The following RDH10 variants were observed in gnomAD, a reference collection of about 807,000 sequenced individuals.
RDH10 encodes the protein retinol dehydrogenase 10, also known as retinol dehydrogenase 10 (all-trans).
In RDH10, 12 loss-of-function variants were observed where a neutral mutation model predicts 30.2. The ratio of observed to expected loss-of-function variants is 0.40; its 90% CI spans 0.25 to 0.64. RDH10 has a LOEUF of 0.64. RDH10 is among the 30% of genes least tolerant of loss of function. The probability of loss-of-function intolerance (pLI) is 0.43; values close to 1 mark genes in which losing one functional copy is unlikely to be tolerated. For synonymous variants in RDH10, 189 were observed against 172.2 expected, an observed-to-expected ratio of 1.10 and a Z score of -0.76; for missense variants, 268 against 445.2, an observed-to-expected ratio of 0.60 and a Z score of 3.58.
Position 73,295,564 on chromosome 8 carries a change from C to T in RDH10, c.275C>T (p.Ala92Val). The T allele has an allele frequency of 6.5e-7, 1 of 1,529,482 alleles. No homozygotes were observed. The highest frequency in any genetic ancestry group is 8.8e-7 in the Non-Finnish European group (1 of 1,139,452). 94.7% of individuals were successfully genotyped at this position (1,529,482 alleles called of 1,614,324 possible). A position where few individuals can be genotyped will look rare whatever the true frequency, so the allele number is the denominator to read the frequency against. ...HIYRDLEAAD[A>V]AALQAGNGEE... ...TACCGCGACCTGGAGGCGGCCGACG[C>T]CGCTGCGCTGCAAGGTAACCTGGAC... Residue 92 changes from alanine (A) to valine (V), a missense_variant, in exon 1 of 6, where the codon GCC becomes GTC. Transcript: ENST00000240285.
rs576144440 is a variant in RDH10 at position 73,301,802 on chromosome 8, C to T, written c.525+4373C>T. ...TATGTTGGACTAAAGCTGTGTAAGA[C>T]CATTATTGCAAACCAGGGCTGTCTC... On this transcript the variant is annotated intron_variant, in intron 2 of 5. Transcript: ENST00000240285. 1.4e-4 allele frequency among the ~76,000 whole-genome samples: 22 copies of T among 152,314 alleles called. No homozygotes were observed. In the East Asian group the frequency reaches 3.9e-3, roughly 27 times the overall value.
chr8:73,322,964 C>T lies in RDH10; in HGVS notation c.954C>T (p.Asp318=). The T allele has an allele frequency of 6.2e-7, 1 of 1,613,874 alleles. No individual in the cohort carries two copies. The highest frequency in any genetic ancestry group is 8.5e-7 in the Non-Finnish European group (1 of 1,179,780). The change falls in exon 6 of 6, where the codon GAC becomes GAT. Residue 318 remains aspartate (D), a synonymous_variant. Transcript: ENST00000240285. ...VVCMYRFLGA[D]KCMYPFIAQR... The stretch of plus-strand genomic sequence containing the variant: ...GCATGTATCGGTTCCTAGGAGCGGA[C>T]AAGTGTATGTACCCCTTTATTGCTC...
Position 73,324,216 on chromosome 8 carries a change from T to G in RDH10, c.*1180T>G, listed in dbSNP as rs1175043313. 1 of 152,662 alleles carries G rather than the reference T, an allele frequency of 6.6e-6. No individual in the cohort carries two copies. Among genetic ancestry groups the G allele is most frequent in the Non-Finnish European group, 1.5e-5 (1 of 68,042 alleles). The allele number at this position is 152,662 out of a possible 1,614,324, so 9.5% of individuals were successfully genotyped here. ...CTATGATTAGTGAGAGGAAGAAATC[T>G]TATTCTATGGCATATGTATGGAAGG... On this transcript the variant is annotated 3_prime_UTR_variant, in exon 6 of 6. Coordinates refer to ENST00000240285, the MANE Select transcript of RDH10 (RefSeq NM_172037.5).
At chr8:73,302,001 A>G (rs1814387840) in intron 2 of RDH10, among the ~76,000 whole-genome samples, 2 of 152,192 alleles carry the variant, frequency 1.3e-5, no homozygotes, top group Admixed American at 1.3e-4. Flanking sequence ...CTCACAATGA[A>G]TGTGTAACAG....
rs769909971 is a variant in RDH10 at position 73,295,586 on chromosome 8, G to A, written c.289+8G>A. The A allele has an allele frequency of 1.4e-4, 208 of 1,488,992 alleles. 2 individuals carry two copies. The highest frequency in any genetic ancestry group is 1.3e-3 in the South Asian group (100 of 76,014). The allele number at this position is 1,488,992 out of a possible 1,614,324, so 92.2% of individuals were successfully genotyped here. Reference sequence around the variant, plus strand: ...ACGCCGCTGCGCTGCAAGGTAACCTGGACCCGCGCGGGAGCATTGTTGGGT... The same window carrying A: ...ACGCCGCTGCGCTGCAAGGTAACCTAGACCCGCGCGGGAGCATTGTTGGGT... On this transcript the variant is annotated splice_region_variant and intron_variant, in intron 1 of 5. Coordinates refer to ENST00000240285, the MANE Select transcript of RDH10 (RefSeq NM_172037.5).
intron 1 of RDH10, among the ~76,000 whole-genome samples, chr8:73,296,663 G>A (rs761304354): frequency 1.3e-5 from 2 of 152,232 alleles, no homozygotes; most frequent in Non-Finnish European, 2.9e-5. Flanking sequence ...GAACAAGCCA[G>A]TGATCCCTAT....
chr8:73,298,332 A>G (rs948842018), intron 2 of RDH10, among the ~76,000 whole-genome samples: 2 of 152,184 alleles, frequency 1.3e-5, no homozygotes, highest in African/African-American at 4.8e-5. Context: ...TAGCCTTCTA[A>G]TAGAACACAA....
Position 73,322,924 on chromosome 8 carries a change from T to G in RDH10, c.914T>G (p.Phe305Cys). The change falls in exon 6 of 6, where the codon TTT (phenylalanine) becomes TGT (cysteine). Residue 305 changes from phenylalanine to cysteine, a missense_variant. Physicochemically the swap from Phe to Cys is radical, Grantham distance 205. This residue lies in a region of RDH10 where 136 missense variants were observed against 288.8 expected (regional missense o/e 0.47). Coordinates refer to ENST00000240285, the MANE Select transcript of RDH10 (RefSeq NM_172037.5). ...IVTFMKSILP[F>C]EAVVCMYRFL... Reference sequence around the variant, plus strand: ...CTTCCCTTTTTCAGCATCCTACCATTTGAAGCAGTTGTGTGCATGTATCGG... The same window carrying G: ...CTTCCCTTTTTCAGCATCCTACCATGTGAAGCAGTTGTGTGCATGTATCGG... The G allele has an allele frequency of 6.2e-7, 1 of 1,614,168 alleles. No homozygotes were observed. The highest frequency in any genetic ancestry group is 8.5e-7 in the Non-Finnish European group (1 of 1,180,006).
chr8:73,306,612 C>A (rs933444590), intron 2 of RDH10, among the ~76,000 whole-genome samples: 2 of 152,200 alleles, frequency 1.3e-5, no homozygotes, highest in Non-Finnish European at 2.9e-5. Context: ...TAGCCCCTTA[C>A]AATGACAAGC....
rs1461129487 is a variant in RDH10 at position 73,324,533 on chromosome 8, ATGAC to A, written c.*1501_*1504del. ...TTTTACTAATTGGGGAGTTTTATAA[ATGAC>A]TGATTAAATTTAAAGAATTAACTTA... On this transcript the variant is annotated 3_prime_UTR_variant, in exon 6 of 6. Transcript: ENST00000240285. The A allele has an allele frequency of 6.6e-6, 1 of 152,602 alleles. No individual in the cohort carries two copies. Among genetic ancestry groups the A allele is most frequent in the African/African-American group, 2.4e-5 (1 of 41,462 alleles). 9.5% of individuals were successfully genotyped at this position (152,602 alleles called of 1,614,324 possible).
intron 2 of RDH10, chr8:73,315,504 G>A (rs763993174): frequency 2.3e-6 from 1 of 436,030 alleles, no homozygotes; most frequent in African/African-American, 2.0e-5. Flanking sequence ...ATCAGTTTCA[G>A]AACGTTGCAA....
At chr8:73,303,216 A>C (rs1231784239) in intron 2 of RDH10, among the ~76,000 whole-genome samples, 2 of 152,240 alleles carry the variant, frequency 1.3e-5, no homozygotes, top group Non-Finnish European at 2.9e-5. Flanking sequence ...GTAATGTAGC[A>C]CTTAAAGACA....
chr8:73,322,556 G>A (rs1814789590), intron 4 of RDH10, 123 bp from the exon 5 acceptor site: 1 of 830,006 alleles, frequency 1.2e-6, no homozygotes, highest in African/African-American at 1.7e-5. Flanking sequence ...GCACTATGAA[G>A]AAAACAAAAT....
At chr8:73,298,602 A>G (rs1195943790) in intron 2 of RDH10, among the ~76,000 whole-genome samples, 1 of 152,146 alleles carries the variant, frequency 6.6e-6, no homozygotes, top group African/African-American at 2.4e-5. Flanking sequence ...ATCTTGGCTC[A>G]CTGCAACCTC....
chr8:73,302,738 G>C (rs1411273905), intron 2 of RDH10, among the ~76,000 whole-genome samples: 1 of 152,182 alleles, frequency 6.6e-6, no homozygotes, highest in Non-Finnish European at 1.5e-5. Flanking sequence ...AATATGGAAA[G>C]TTGGTCTCCA....
intron 2 of RDH10, among the ~76,000 whole-genome samples, chr8:73,301,113 C>G (rs974264406): frequency 7.4e-6 from 1 of 135,280 alleles, no homozygotes; most frequent in Admixed American, 8.3e-5. Flanking sequence ...TGCAGTGGCG[C>G]GATCTCGGCT....
At chr8:73,298,963 C>T (rs1353565964) in intron 2 of RDH10, among the ~76,000 whole-genome samples, 3 of 152,152 alleles carry the variant, frequency 2.0e-5, no homozygotes, top group Non-Finnish European at 4.4e-5. Flanking sequence ...TGCAGGCATG[C>T]ACCACCACGC....
At chr8:73,314,295 TAGAAA>T (rs1814623462) in intron 2 of RDH10, among the ~76,000 whole-genome samples, 1 of 152,220 alleles carries the variant, frequency 6.6e-6, no homozygotes, top group African/African-American at 2.4e-5. Context: ...CAAGAGTAAT[TAGAAA>T]AGAAAACTAG....
intron 2 of RDH10, among the ~76,000 whole-genome samples, chr8:73,301,831 CTTG>C (rs1406592748): frequency 2.0e-5 from 3 of 152,222 alleles, no homozygotes; most frequent in African/African-American, 4.8e-5. Context: ...CTGTCTCACC[CTTG>C]TTGTCACTCA....
Sources: gnomAD v4.1 joint callset for allele counts (sites outside exome capture counted in the v4.1 genomes callset) on GRCh38, gnomAD v4.1.1 for gene constraint, gnomAD v4.1.1 regional missense constraint, MANE v1.5 for transcripts, NCBI Gene and HGNC (gene_info 2026-07-23, HGNC 2026-07-21) for gene names.